Variants in ZNF483 observed in about 807,000 individuals in gnomAD.
ZNF483 encodes the protein zinc finger protein HIT-10.
A neutral mutation model predicts 28.6 loss-of-function variants in ZNF483; 9 were observed. That is an observed-to-expected ratio of 0.32 (90% CI 0.19 to 0.55). The LOEUF (loss-of-function observed/expected upper bound fraction) is 0.55, where lower values mean the gene tolerates loss of function less well. Among genes scored for constraint, ZNF483 ranks in the 20% least tolerant of loss-of-function variants. ZNF483 has a pLI of 0.93. For missense variants in ZNF483, 675 were observed against 871.7 expected (o/e 0.77, Z 2.84); for synonymous variants, 322 against 306.2 (o/e 1.05, Z -0.54).
intron 5 of ZNF483, among the ~76,000 whole-genome samples, chr9:111,541,393 C>T: frequency 1.4e-5 from 2 of 148,130 alleles, no homozygotes; most frequent in South Asian, 4.2e-4. Flanking sequence ...CCATCCTAAA[C>T]CTCTTAAAAA....
rs1354817735 is a variant in ZNF483 at position 111,551,442 on chromosome 9, C to G, written c.*8272C>G. ...TTTTTTTTTGAGATGGAGTCTCACT[C>G]TGTTGCCCAGGCTGGAGTGCAGTGG... On this transcript the variant is annotated 3_prime_UTR_variant, in exon 6 of 6. Transcript: ENST00000309235. Among the ~76,000 whole-genome samples the G allele has an allele frequency of 8.0e-5, 9 of 112,856 alleles. No individual in the cohort carries two copies. The highest frequency in any genetic ancestry group is 1.2e-4 in the Non-Finnish European group (7 of 60,514). 74.0% of individuals were successfully genotyped at this position (112,856 alleles called of 152,430 possible).
rs2132211311 is a variant in ZNF483, at chr9:111,527,538, C to T, written c.143C>T (p.Ala48Val). 1 of 1,614,222 alleles carries T rather than the reference C, an allele frequency of 6.2e-7. No homozygotes were observed. The highest frequency in any genetic ancestry group is 2.2e-5 in the East Asian group (1 of 44,888). Residue 48 changes from alanine (A) to valine (V), a missense_variant, in exon 2 of 6, where the codon GCA becomes GTA. Ala to Val is a moderately conservative substitution (Grantham distance 64, BLOSUM62 0). Around this residue, in one of 6 missense-constraint regions of ZNF483, gnomAD observed 525 missense variants for 581.8 expected, o/e 0.90. Coordinates refer to ENST00000309235, the MANE Select transcript of ZNF483 (RefSeq NM_133464.5). ...ATTTTAAGAGGAAATGCTGCTGATGCAGAGTCTTTCAGACAGAGGTTTAGG... is the reference window on the plus strand; with the variant it reads ...ATTTTAAGAGGAAATGCTGCTGATGTAGAGTCTTTCAGACAGAGGTTTAGG... Reference protein sequence around the residue: ...EAILRGNAADAESFRQRFRWF... With the variant: ...EAILRGNAADVESFRQRFRWF...
At position 111,546,930 on chromosome 9, in the gene ZNF483, C is replaced by T. The variant is rs79139846; in HGVS notation, c.*3760C>T. ...TCTAATTACTTGGTATGAATGGAAT[C>T]ATACAATATTTGCCCTGTTGTGTTT... On this transcript the variant is annotated 3_prime_UTR_variant, in exon 6 of 6. Transcript: ENST00000309235. 0.08 allele frequency among the ~76,000 whole-genome samples: 12,243 copies of T among 152,248 alleles called. 716 individuals are homozygous for T. Among genetic ancestry groups the T allele is most frequent in the East Asian group, 0.25 (1,290 of 5,174 alleles).
intron 5 of ZNF483, among the ~76,000 whole-genome samples, chr9:111,561,988 C>T (rs959687797): frequency 9.3e-5 from 14 of 150,258 alleles, no homozygotes; most frequent in Admixed American, 7.3e-4. Context: ...TGGGCTCAAG[C>T]GATTTTCCTG....
chr9:111,536,336 G>A (rs1392503085), intron 5 of ZNF483, among the ~76,000 whole-genome samples: 2 of 151,812 alleles, frequency 1.3e-5, no homozygotes, highest in Non-Finnish European at 2.9e-5. Context: ...TGACTAACAC[G>A]GTGAAACCCC....
chr9:111,542,424 T>C lies in ZNF483; in HGVS notation c.1489T>C (p.Cys497Arg). ...TCATAGTGGAGAGAAACCCTTCAAATGTGATGACTGTGGGAAAGGTTTCAC... is the reference window on the plus strand; with the variant it reads ...TCATAGTGGAGAGAAACCCTTCAAACGTGATGACTGTGGGAAAGGTTTCAC... The part of the protein sequence containing the change: ...RTHSGEKPFK[C>R]DDCGKGFTLS... The change falls in exon 6 of 6, where the codon TGT becomes CGT. Residue 497 changes from cysteine (C) to arginine (R), a missense_variant. Physicochemically the swap from Cys to Arg is radical, Grantham distance 180. Around this residue, in one of 6 missense-constraint regions of ZNF483, gnomAD observed 525 missense variants for 581.8 expected, o/e 0.90. Coordinates refer to ENST00000309235, the MANE Select transcript of ZNF483 (RefSeq NM_133464.5). The surrounding 1 kb of genome is among the most constrained non-coding windows in gnomAD (Gnocchi z 6.2). 1 of 1,614,176 alleles carries C rather than the reference T, an allele frequency of 6.2e-7. No individual in the cohort carries two copies. The highest frequency in any genetic ancestry group is 8.5e-7 in the Non-Finnish European group (1 of 1,180,018).
Position 111,525,663 on chromosome 9 carries a change from C to CT in ZNF483, c.-129+407dup, listed in dbSNP as rs201993802. Among the ~76,000 whole-genome samples the CT allele has an allele frequency of 1.1e-3, 170 of 152,178 alleles. 4 individuals are homozygous for CT. In the East Asian group the frequency reaches 0.032, roughly 28 times the overall value. On this transcript the variant is annotated intron_variant, in intron 1 of 5. Coordinates refer to ENST00000309235, the MANE Select transcript of ZNF483 (RefSeq NM_133464.5). The stretch of plus-strand genomic sequence containing the variant: ...GGACCGCTGGGGGGTGAAATCTCTC[C>CT]TTTTTTCTTCCCTCTGGTTGAGATC...
chr9:111,563,304 A>T lies in ZNF483; in HGVS notation c.722-13061A>T, dbSNP rs931240862. ...ATGATATACTGTTCTCATCCTAGCA[A>T]CAAATTTATCAGGTACATCATTGGA... On this transcript the variant is annotated intron_variant, in intron 5 of 5. Coordinates refer to the ZNF483 transcript ENST00000358151. 4.4e-5 allele frequency: 61 copies of T among 1,395,362 alleles called. 1 individual carries two copies. The highest frequency in any genetic ancestry group is 5.0e-5 in the Non-Finnish European group (52 of 1,031,390). 86.4% of individuals were successfully genotyped at this position (1,395,362 alleles called of 1,614,324 possible).
rs1221008147 is a variant in ZNF483 at position 111,551,839 on chromosome 9, C to G, written c.*8669C>G. Among the ~76,000 whole-genome samples, 1 of 152,134 alleles carries G rather than the reference C, an allele frequency of 6.6e-6. No individual in the cohort carries two copies. The highest frequency in any genetic ancestry group is 6.5e-5 in the Admixed American group (1 of 15,280). On this transcript the variant is annotated 3_prime_UTR_variant, in exon 6 of 6. Transcript: ENST00000309235. ...ACATATCAATTCAGTTTATTAGCAT[C>G]AAATTTGATGAAGCAGTGCATAAAT...
chr9:111,565,937 C>T (rs955827108), intron 5 of ZNF483, among the ~76,000 whole-genome samples: 4 of 152,214 alleles, frequency 2.6e-5, no homozygotes, highest in East Asian at 1.9e-4. Context: ...TAGGGCTGGG[C>T]GCGGTGGCTC....
In ZNF483 at chr9:111,547,541, A is replaced by T. The variant is rs571775825; in HGVS notation, c.*4371A>T. Among the ~76,000 whole-genome samples the T allele has an allele frequency of 6.6e-6, 1 of 152,314 alleles. No individual in the cohort carries two copies. The highest frequency in any genetic ancestry group is 2.4e-5 in the African/African-American group (1 of 41,592). On this transcript the variant is annotated 3_prime_UTR_variant, in exon 6 of 6. Coordinates refer to ENST00000309235, the MANE Select transcript of ZNF483 (RefSeq NM_133464.5). ...GAAGTTCTTAATATATCCAGAATAT[A>T]TAAAGAACTTTTCAGATAAATGATT...
At chr9:111,575,440 G>A (rs1829016736) in intron 5 of ZNF483, 1 of 152,098 alleles carries the variant, frequency 6.6e-6, no homozygotes, top group Admixed American at 6.6e-5. Flanking sequence ...TAATTTAAAG[G>A]TATGGAAAAA....
chr9:111,534,283 G>A lies in ZNF483; in HGVS notation c.651G>A (p.Glu217=), dbSNP rs756053421. The stretch of plus-strand genomic sequence containing the variant: ...CAGACTTTCCAGTTTCAAAATTAGA[G>A]TTGATTTCCCAGCTAAAGTGGGTTG... ...EFLDFPVSKL[E]LISQLKWVEL... is the part of the protein sequence containing the mutation. The change falls in exon 5 of 6, where the codon GAG becomes GAA. Residue 217 remains glutamate, a synonymous_variant. Transcript: ENST00000309235. 6.2e-7 allele frequency: 1 copy of A among 1,613,998 alleles called. No homozygotes were observed. The highest frequency in any genetic ancestry group is 1.3e-5 in the African/African-American group (1 of 74,926).
chr9:111,531,495 G>T (rs1038485922), intron 3 of ZNF483, among the ~76,000 whole-genome samples: 7 of 151,988 alleles, frequency 4.6e-5, no homozygotes, highest in African/African-American at 1.7e-4. Context: ...TCCTGCCTCA[G>T]CCTCCTGAGT....
At chr9:111,541,340 T>C (rs768013339) in intron 5 of ZNF483, among the ~76,000 whole-genome samples, 39 of 152,110 alleles carry the variant, frequency 2.6e-4, no homozygotes, top group Non-Finnish European at 4.9e-4. Flanking sequence ...CTCCCTGCCT[T>C]GGCCTCCCAA....
rs990203115 is a variant in ZNF483 at position 111,549,806 on chromosome 9, A to G, written c.*6636A>G. ...CTTCATTTTCTCTTTTGATCTGTCAACACAATCAGAACATTTAGCTCTTTG... is the reference window on the plus strand; with the variant it reads ...CTTCATTTTCTCTTTTGATCTGTCAGCACAATCAGAACATTTAGCTCTTTG... On this transcript the variant is annotated 3_prime_UTR_variant, in exon 6 of 6. Coordinates refer to ENST00000309235, the MANE Select transcript of ZNF483 (RefSeq NM_133464.5). 4.7e-5 allele frequency: 71 copies of G among 1,498,114 alleles called. No homozygotes were observed. The highest frequency in any genetic ancestry group is 7.4e-5 in the East Asian group (3 of 40,662). 92.8% of individuals were successfully genotyped at this position (1,498,114 alleles called of 1,614,324 possible).
In ZNF483 at chr9:111,560,752, A is replaced by T. The variant is rs535945199; in HGVS notation, c.722-15613A>T. Among the ~76,000 whole-genome samples, 8 of 145,430 alleles carry T rather than the reference A, an allele frequency of 5.5e-5. No individual in the cohort carries two copies. In the South Asian group the frequency reaches 1.7e-3, roughly 32 times the overall value. ...AGGTCAGGAGTTCGAGACCAGCCTG[A>T]CCAACATGGTGAAACCCTATCTCTA... On this transcript the variant is annotated intron_variant, in intron 5 of 5. Coordinates refer to the ZNF483 transcript ENST00000358151.
chr9:111,564,539 C>G (rs1388830783), intron 5 of ZNF483, among the ~76,000 whole-genome samples: 4 of 151,732 alleles, frequency 2.6e-5, no homozygotes, highest in South Asian at 2.1e-4. Flanking sequence ...GGCCTAGGCT[C>G]AAGTGATCCG....
exon 6 of ZNF483, chr9:111,577,560 T>C (rs900875990): frequency 6.6e-6 from 1 of 152,152 alleles, no homozygotes; most frequent in Admixed American, 6.6e-5. Flanking sequence ...CTAATACCCA[T>C]CAGGCTGGGT....
Sources: allele counts gnomAD v4.1 joint callset (sites outside exome capture counted in the v4.1 genomes callset), GRCh38; gene constraint gnomAD v4.1.1; regional missense constraint gnomAD v4.1.1; non-coding constraint Gnocchi (gnomAD v3.1); transcripts MANE v1.5; gene names NCBI Gene and HGNC (gene_info 2026-07-23, HGNC 2026-07-21).